Variants in GAS2 observed in about 807,000 individuals in gnomAD.
GAS2 encodes growth arrest specific 2, also known as growth arrest-specific protein 2.
In GAS2, 20 loss-of-function variants were observed where a neutral mutation model predicts 37.5. The ratio of observed to expected loss-of-function variants is 0.53; its 90% CI spans 0.37 to 0.77. GAS2 has a LOEUF of 0.77. Among genes scored for constraint, GAS2 ranks in the 30% least tolerant of loss-of-function variants. The probability of loss-of-function intolerance (pLI) is 0.00; values close to 1 mark genes in which losing one functional copy is unlikely to be tolerated. For missense variants in GAS2, 336 were observed against 373.4 expected (o/e 0.90, Z 0.82); for synonymous variants, 144 against 132.2 (o/e 1.09, Z -0.61).
chr11:22,656,573 C>G (rs1040848608), intron 1 of GAS2, among the ~76,000 whole-genome samples: 17 of 152,136 alleles, frequency 1.1e-4, no homozygotes, highest in Non-Finnish European at 2.4e-4. Flanking sequence ...TTAAAAGCAT[C>G]TAGAAGTAAA....
intron 3 of GAS2, among the ~76,000 whole-genome samples, chr11:22,687,296 C>A (rs1332101985): frequency 6.6e-6 from 1 of 152,086 alleles, no homozygotes; most frequent in Non-Finnish European, 1.5e-5. Context: ...CACTGCACTC[C>A]AGCCTAGAAG....
intron 1 of GAS2, among the ~76,000 whole-genome samples, chr11:22,654,204 A>G (rs1022869965): frequency 3.3e-5 from 5 of 152,190 alleles, no homozygotes; most frequent in African/African-American, 1.2e-4. Context: ...TTTTACAACA[A>G]TAGTAACTGG....
intron 5 of GAS2, among the ~76,000 whole-genome samples, chr11:22,744,656 G>A (rs894549675): frequency 6.6e-6 from 1 of 151,860 alleles, no homozygotes; most frequent in Non-Finnish European, 1.5e-5. Flanking sequence ...TACCTCAAAA[G>A]AATAAGAACC....
At chr11:22,685,054 C>A (rs1425375552) in intron 2 of GAS2, among the ~76,000 whole-genome samples, 1 of 151,946 alleles carries the variant, frequency 6.6e-6, no homozygotes, top group Non-Finnish European at 1.5e-5. Context: ...AATCCCAGTA[C>A]TTTTGGAGGC....
chr11:22,653,904 G>T (rs1014594924), intron 1 of GAS2, among the ~76,000 whole-genome samples: 1 of 152,142 alleles, frequency 6.6e-6, no homozygotes, highest in Non-Finnish European at 1.5e-5. Context: ...CACTCTTAGG[G>T]CCCTCCTTTA....
intron 2 of GAS2, among the ~76,000 whole-genome samples, chr11:22,676,402 G>T (rs1407291413): frequency 6.6e-6 from 1 of 152,082 alleles, no homozygotes; most frequent in Non-Finnish European, 1.5e-5. Context: ...TTCAGATATA[G>T]GCAATCACAA....
At chr11:22,647,915 C>T (rs1848722517) in intron 1 of GAS2, among the ~76,000 whole-genome samples, 1 of 152,126 alleles carries the variant, frequency 6.6e-6, no homozygotes, top group Admixed American at 6.6e-5. Flanking sequence ...TGTGCAGAAG[C>T]TCTTGAGTTT....
chr11:22,734,629 CT>C (rs892186618), intron 4 of GAS2, among the ~76,000 whole-genome samples: 9 of 151,514 alleles, frequency 5.9e-5, no homozygotes, highest in Admixed American at 1.3e-4. Flanking sequence ...TATCATTGGG[CT>C]GTTATTTTCT....
intron 3 of GAS2, among the ~76,000 whole-genome samples, chr11:22,696,575 C>T (rs1289596502): frequency 6.6e-6 from 1 of 152,030 alleles, no homozygotes; most frequent in Non-Finnish European, 1.5e-5. Flanking sequence ...TAAAAGTGTT[C>T]CTACTTCTCC....
chr11:22,626,277 G>C (rs1247688027), intron 1 of GAS2: 1 of 193,512 alleles, frequency 5.2e-6, no homozygotes, highest in Non-Finnish European at 1.1e-5. Flanking sequence ...TACTAAAAAT[G>C]TACTGACCTC....
intron 1 of GAS2, among the ~76,000 whole-genome samples, chr11:22,649,242 C>T (rs1394234884): frequency 1.3e-5 from 2 of 152,130 alleles, no homozygotes; most frequent in Non-Finnish European, 2.9e-5. Flanking sequence ...TATATTGAAC[C>T]AGCCTTGCAT....
At chr11:22,755,337 G>A (rs190200587) in intron 6 of GAS2, among the ~76,000 whole-genome samples, 2 of 152,046 alleles carry the variant, frequency 1.3e-5, no homozygotes, top group East Asian at 3.9e-4. Context: ...GAAAATCTTA[G>A]AGTTCAAAAT....
intron 3 of GAS2, among the ~76,000 whole-genome samples, chr11:22,699,034 GC>G (rs1850690627): frequency 6.6e-6 from 1 of 152,084 alleles, no homozygotes; most frequent in Admixed American, 6.6e-5. Flanking sequence ...ATAAGCTCAA[GC>G]CCCCACAAAA....
chr11:22,716,495 T>C (rs151265336), intron 3 of GAS2, among the ~76,000 whole-genome samples: 1 of 151,844 alleles, frequency 6.6e-6, no homozygotes, highest in East Asian at 1.9e-4. Context: ...CAAAATTTAG[T>C]CAGGCACCAT....
In GAS2 at chr11:22,774,213, C is replaced by T. The variant is rs149218955; in HGVS notation, c.723+18260C>T. On this transcript the variant is annotated intron_variant, in intron 7 of 7. Coordinates refer to ENST00000454584, the MANE Select transcript of GAS2 (RefSeq NM_001143830.3). ...TTCACCATGTTGGTCAGGCTGGTCTCGAACTCCTGACCTCAGGTGATCGGC... is the reference window on the plus strand; with the variant it reads ...TTCACCATGTTGGTCAGGCTGGTCTTGAACTCCTGACCTCAGGTGATCGGC... 9.3e-3 allele frequency among the ~76,000 whole-genome samples: 1,410 copies of T among 152,240 alleles called. 24 individuals are homozygous for T. The highest frequency in any genetic ancestry group is 0.032 in the African/African-American group (1,339 of 41,550).
intron 3 of GAS2, among the ~76,000 whole-genome samples, chr11:22,703,259 A>C (rs2134036118): frequency 6.6e-6 from 1 of 152,296 alleles, no homozygotes; most frequent in African/African-American, 2.4e-5. Flanking sequence ...AACAACATGC[A>C]GGCACATCAG....
intron 7 of GAS2, among the ~76,000 whole-genome samples, chr11:22,811,384 GA>G (rs771382117): frequency 1.4e-4 from 21 of 152,172 alleles, no homozygotes; most frequent in Non-Finnish European, 2.9e-4. Context: ...TTCAGTAGCA[GA>G]CATTTCCATG....
intron 7 of GAS2, among the ~76,000 whole-genome samples, chr11:22,789,942 G>T (rs10833815): frequency 0.28 from 42,567 of 151,978 alleles, 6,989 homozygotes; most frequent in Non-Finnish European, 0.36. Flanking sequence ...TTCTAACATG[G>T]TATGATACAT....
intron 5 of GAS2, among the ~76,000 whole-genome samples, chr11:22,743,354 C>T (rs886629193): frequency 2.6e-5 from 4 of 152,046 alleles, no homozygotes; most frequent in African/African-American, 9.7e-5. Flanking sequence ...GCTGCAGTTT[C>T]CAGATTGTAC....
Sources: gnomAD v4.1 joint callset for allele counts (sites outside exome capture counted in the v4.1 genomes callset) on GRCh38, gnomAD v4.1.1 for gene constraint, MANE v1.5 for transcripts, NCBI Gene and HGNC (gene_info 2026-07-23, HGNC 2026-07-21) for gene names.